Variants in FMN2 observed in about 807,000 individuals in gnomAD.
The protein encoded by FMN2 is formin-2.
FMN2 carries 51 observed loss-of-function variants against 142.3 expected under a neutral mutation model. The ratio of observed to expected loss-of-function variants is 0.36; its 90% CI spans 0.29 to 0.45. The LOEUF (loss-of-function observed/expected upper bound fraction) is 0.45, where lower values mean the gene tolerates loss of function less well. FMN2 is among the 20% of genes least tolerant of loss of function. FMN2 has a pLI of 1.00. For missense variants in FMN2, 1,936 were observed against 2,122.8 expected (o/e 0.91, Z 1.73); for synonymous variants, 882 against 869.8 (o/e 1.01, Z -0.25).
intron 16 of FMN2, among the ~76,000 whole-genome samples, chr1:240,440,227 A>G (rs1675564518): frequency 6.6e-6 from 1 of 152,150 alleles, no homozygotes. Flanking sequence ...AGACCAGAAT[A>G]TAAGCTGGTG....
At chr1:240,296,577 G>A (rs947071338) in intron 8 of FMN2, among the ~76,000 whole-genome samples, 1 of 151,224 alleles carries the variant, frequency 6.6e-6, no homozygotes, top group Non-Finnish European at 1.5e-5. Flanking sequence ...TCTTGGCTCT[G>A]GGGAGACCCA....
At chr1:240,210,425 G>A (rs1005032248) in intron 5 of FMN2, among the ~76,000 whole-genome samples, 13 of 152,164 alleles carry the variant, frequency 8.5e-5, no homozygotes, top group Admixed American at 2.6e-4. Flanking sequence ...CATATCGGGG[G>A]CAAGAATCTG....
chr1:240,172,264 G>T (rs931731877), intron 2 of FMN2, among the ~76,000 whole-genome samples: 2 of 152,012 alleles, frequency 1.3e-5, no homozygotes, highest in Non-Finnish European at 2.9e-5. Context: ...CAGGGCAATT[G>T]TTAATTGAAT....
intron 2 of FMN2, among the ~76,000 whole-genome samples, chr1:240,160,512 A>G (rs1182276739): frequency 2.7e-5 from 4 of 149,972 alleles, no homozygotes; most frequent in African/African-American, 7.3e-5. Context: ...ATGTGTATAT[A>G]TATAATGATT....
At chr1:240,305,960 T>TGTTTTTTTTTTTTTTTTTTTTTTTTA in intron 8 of FMN2, among the ~76,000 whole-genome samples, 1 of 150,678 alleles carries the variant, frequency 6.6e-6, no homozygotes. Flanking sequence ...AGTTTTTTTT[T>TGTTTTTTTTTTTTTTTTTTTTTTTTA]TTTTTTTGAG....
chr1:240,195,877 T>C (rs529043086), intron 4 of FMN2, among the ~76,000 whole-genome samples: 1 of 152,154 alleles, frequency 6.6e-6, no homozygotes, highest in South Asian at 2.1e-4. Flanking sequence ...AAAAAACAGC[T>C]GGCCATGGTG....
intron 3 of FMN2, 146 bp downstream of exon 3, chr1:240,178,214 C>A: frequency 1.2e-6 from 1 of 858,408 alleles, no homozygotes; most frequent in Non-Finnish European, 1.6e-6. Flanking sequence ...ACTTTGGGGT[C>A]TTTTCTCTCT....
At chr1:240,263,786 G>A (rs553583473) in intron 7 of FMN2, among the ~76,000 whole-genome samples, 7 of 152,200 alleles carry the variant, frequency 4.6e-5, no homozygotes, top group South Asian at 4.1e-4. Context: ...ACGGAAACAC[G>A]TTTCAATATA....
At chr1:240,440,899 A>G (rs1056364515) in intron 16 of FMN2, among the ~76,000 whole-genome samples, 1 of 152,326 alleles carries the variant, frequency 6.6e-6, no homozygotes, top group East Asian at 1.9e-4. Flanking sequence ...TCAAGACAGC[A>G]AAGCATTAAA....
chr1:240,202,758 T>A (rs548064795), intron 4 of FMN2, among the ~76,000 whole-genome samples: 18 of 152,272 alleles, frequency 1.2e-4, no homozygotes, highest in Non-Finnish European at 2.5e-4. Context: ...CCACTGTGCC[T>A]CATCAGAATC....
intron 14 of FMN2, among the ~76,000 whole-genome samples, chr1:240,377,146 A>C (rs1558460818): frequency 1.3e-5 from 2 of 152,184 alleles, no homozygotes; most frequent in African/African-American, 2.4e-5. Context: ...GCATAGATCC[A>C]GCTTTTCATT....
chr1:240,465,262 A>C lies in FMN2; in HGVS notation c.5061-7110A>C, dbSNP rs568897123. ...TCACAGCTCCTAAGCTGGCTTTTCT[A>C]ACCAGCCTTTGTCTAGAATCTCCAC... On this transcript the variant is annotated intron_variant, in intron 16 of 17. Transcript: ENST00000319653. Among the ~76,000 whole-genome samples, 6 of 151,796 alleles carry C rather than the reference A, an allele frequency of 4.0e-5. No homozygotes were observed. The South Asian group carries it at 1.3e-3, about 32-fold the overall frequency.
At chr1:240,310,302 G>GT (rs2102986188) in intron 8 of FMN2, among the ~76,000 whole-genome samples, 1 of 152,242 alleles carries the variant, frequency 6.6e-6, no homozygotes, top group South Asian at 2.1e-4. Context: ...TCATTGGTCT[G>GT]TTTTAAAGTA....
chr1:240,230,371 AAAAG>A (rs1454187613), intron 6 of FMN2, among the ~76,000 whole-genome samples: 2 of 130,630 alleles, frequency 1.5e-5, no homozygotes, highest in Non-Finnish European at 3.2e-5. Flanking sequence ...TAGCTTATAG[AAAAG>A]AAAGAGAATA....
chr1:240,215,070 GA>G (rs994715029), intron 6 of FMN2, among the ~76,000 whole-genome samples: 4 of 151,000 alleles, frequency 2.6e-5, no homozygotes, highest in East Asian at 1.9e-4. Context: ...CTCTCTCAGG[GA>G]AAAAAAAATT....
chr1:240,309,835 G>A (rs1481517180), intron 8 of FMN2, among the ~76,000 whole-genome samples: 1 of 152,180 alleles, frequency 6.6e-6, no homozygotes, highest in Non-Finnish European at 1.5e-5. Context: ...GGCACAGATG[G>A]TAGGGAGGGT....
Position 240,246,202 on chromosome 1 carries a change from TA to T in FMN2, c.4066-11736del, listed in dbSNP as rs535256684. ...CTCAAAAAATAAAAATAAAAATAAATAAAAAAAGTAGAGGGCCAGCCAGCCT... is the reference window on the plus strand; with the variant it reads ...CTCAAAAAATAAAAATAAAAATAAATAAAAAAGTAGAGGGCCAGCCAGCCT... On this transcript the variant is annotated intron_variant, in intron 6 of 17. Coordinates refer to ENST00000319653, the MANE Select transcript of FMN2 (RefSeq NM_020066.5). 3.3e-5 allele frequency among the ~76,000 whole-genome samples: 5 copies of T among 151,966 alleles called. No individual in the cohort carries two copies. In the East Asian group the frequency reaches 9.7e-4, roughly 30 times the overall value.
chr1:240,093,834 ACATCTCTTCTCCGTAGGGAAT>A (rs1661103236), intron 1 of FMN2, 110 bp downstream of exon 1: 1 of 687,474 alleles, frequency 1.5e-6, no homozygotes, highest in African/African-American at 1.9e-5. Context: ...TGGTAGTGGC[ACATCTCTTCTCCGTAGGGAAT>A]CCTTTTCCGC....
At chr1:240,210,709 T>A (rs571074749) in intron 5 of FMN2, among the ~76,000 whole-genome samples, 1 of 152,188 alleles carries the variant, frequency 6.6e-6, no homozygotes, top group African/African-American at 2.4e-5. Context: ...TGTAAATATG[T>A]ATTTTTTAAC....
Sources: gnomAD v4.1 joint callset for allele counts (sites outside exome capture counted in the v4.1 genomes callset) on GRCh38, gnomAD v4.1.1 for gene constraint, MANE v1.5 for transcripts, NCBI Gene and HGNC (gene_info 2026-07-23, HGNC 2026-07-21) for gene names.